ARHGAP42: variants seen among roughly 807,000 people sequenced by gnomAD.
ARHGAP42 encodes Rho GTPase activating protein 42, also known as rho GTPase-activating protein 42.
Under a neutral mutation model 125.0 loss-of-function variants are expected in ARHGAP42, and 63 were observed. The ratio of observed to expected loss-of-function variants is 0.50; its 90% CI spans 0.41 to 0.62. The LOEUF is 0.62. Ranked by LOEUF, ARHGAP42 falls within the 20% of genes least tolerant of loss-of-function variation. The probability of loss-of-function intolerance (pLI) is 0.00; values close to 1 mark genes in which losing one functional copy is unlikely to be tolerated. For missense variants in ARHGAP42, 766 were observed against 1,024.2 expected (o/e 0.75, Z 3.44); for synonymous variants, 339 against 351.0 (o/e 0.97, Z 0.38).
intron 22 of ARHGAP42, among the ~76,000 whole-genome samples, chr11:100,984,153 C>T (rs1214860076): frequency 1.3e-5 from 2 of 151,492 alleles, no homozygotes; most frequent in African/African-American, 4.8e-5. Context: ...AAAAAATCTC[C>T]AATTAGTGCC....
At chr11:100,980,872 A>T (rs918056441) in intron 22 of ARHGAP42, among the ~76,000 whole-genome samples, 2 of 151,928 alleles carry the variant, frequency 1.3e-5, no homozygotes, top group African/African-American at 4.8e-5. Flanking sequence ...CACCCAGCCA[A>T]CTCATACTTC....
At chr11:100,736,683 C>T (rs1591138231) in intron 1 of ARHGAP42, among the ~76,000 whole-genome samples, 1 of 152,264 alleles carries the variant, frequency 6.6e-6, no homozygotes, top group East Asian at 1.9e-4. Context: ...AGGATTTAGA[C>T]CTGGAGGGTA....
At chr11:100,789,799 C>T (rs945943858) in intron 2 of ARHGAP42, among the ~76,000 whole-genome samples, 6 of 152,160 alleles carry the variant, frequency 3.9e-5, no homozygotes, top group South Asian at 2.1e-4. Flanking sequence ...ATATAGCATG[C>T]TGTTGACATT....
At chr11:100,961,654 A>C (rs1457582587) in intron 14 of ARHGAP42, 30 bp from the exon 15 acceptor site, 1 of 1,540,046 alleles carries the variant, frequency 6.5e-7, no homozygotes, top group Admixed American at 2.0e-5. Context: ...TGAACTGCAC[A>C]ATTTAAACAC....
intron 21 of ARHGAP42, among the ~76,000 whole-genome samples, chr11:100,978,701 G>C (rs568876200): frequency 6.6e-6 from 1 of 152,164 alleles, no homozygotes; most frequent in Non-Finnish European, 1.5e-5. Context: ...GAGAGAAAAT[G>C]TTCCTTTTAC....
At chr11:100,720,707 T>C (rs1398204560) in intron 1 of ARHGAP42, among the ~76,000 whole-genome samples, 2 of 152,102 alleles carry the variant, frequency 1.3e-5, no homozygotes, top group Non-Finnish European at 2.9e-5. Context: ...AGCCTAACAT[T>C]GACATGTAAT....
At chr11:100,814,454 G>A (rs1037814961) in intron 3 of ARHGAP42, among the ~76,000 whole-genome samples, 2 of 151,918 alleles carry the variant, frequency 1.3e-5, no homozygotes, top group African/African-American at 2.4e-5. Context: ...GCATAATAAT[G>A]ATTATATCCA....
At chr11:100,880,383 T>C (rs752951517) in intron 4 of ARHGAP42, among the ~76,000 whole-genome samples, 4 of 152,224 alleles carry the variant, frequency 2.6e-5, no homozygotes, top group Non-Finnish European at 4.4e-5. Flanking sequence ...GTTACTTCAC[T>C]TAGAATAATA....
chr11:100,691,690 T>C (rs1861194312), intron 1 of ARHGAP42, among the ~76,000 whole-genome samples: 1 of 152,070 alleles, frequency 6.6e-6, no homozygotes, highest in Admixed American at 6.6e-5. Flanking sequence ...TAATTTTTGA[T>C]ATTTTTTGTA....
intron 2 of ARHGAP42, among the ~76,000 whole-genome samples, chr11:100,772,726 G>T (rs1188037509): frequency 2.6e-5 from 4 of 152,108 alleles, no homozygotes; most frequent in African/African-American, 9.7e-5. Context: ...AGGCTTTGTA[G>T]TATACACTTA....
At chr11:100,894,819 G>C (rs1280950814) in intron 4 of ARHGAP42, among the ~76,000 whole-genome samples, 2 of 152,106 alleles carry the variant, frequency 1.3e-5, no homozygotes, top group Non-Finnish European at 2.9e-5. Flanking sequence ...GATAGCTGTT[G>C]AAAGGGCAGT....
At chr11:100,882,585 G>A (rs1383471212) in intron 4 of ARHGAP42, among the ~76,000 whole-genome samples, 1 of 151,312 alleles carries the variant, frequency 6.6e-6, no homozygotes, top group Non-Finnish European at 1.5e-5. Flanking sequence ...TCCTTTCCTG[G>A]TTTTGGTATT....
chr11:100,696,717 G>C (rs911519012), intron 1 of ARHGAP42, among the ~76,000 whole-genome samples: 1 of 152,060 alleles, frequency 6.6e-6, no homozygotes, highest in African/African-American at 2.4e-5. Context: ...CCAGGCTGGA[G>C]TGCAGTGGCT....
chr11:100,774,375 C>A (rs1863059328), intron 2 of ARHGAP42, among the ~76,000 whole-genome samples: 1 of 152,182 alleles, frequency 6.6e-6, no homozygotes, highest in South Asian at 2.1e-4. Context: ...GCCTGAGTTC[C>A]AACGACTTCT....
intron 1 of ARHGAP42, among the ~76,000 whole-genome samples, chr11:100,740,451 C>A (rs1327945450): frequency 2.0e-5 from 3 of 152,152 alleles, no homozygotes; most frequent in African/African-American, 7.2e-5. Flanking sequence ...TAATTTGCTC[C>A]AGGAACAAAA....
At chr11:100,787,407 G>A (rs1228459505) in intron 2 of ARHGAP42, among the ~76,000 whole-genome samples, 1 of 152,208 alleles carries the variant, frequency 6.6e-6, no homozygotes, top group Non-Finnish European at 1.5e-5. Context: ...CCATGTAGGA[G>A]TGTGAATCAG....
intron 3 of ARHGAP42, among the ~76,000 whole-genome samples, chr11:100,805,331 C>G (rs570910931): frequency 6.6e-6 from 1 of 152,264 alleles, no homozygotes; most frequent in South Asian, 2.1e-4. Flanking sequence ...TTGTTGATAT[C>G]ATATGTAAGA....
intron 4 of ARHGAP42, among the ~76,000 whole-genome samples, chr11:100,863,873 A>G (rs769180741): frequency 7.9e-5 from 12 of 152,212 alleles, no homozygotes; most frequent in Non-Finnish European, 1.2e-4. Flanking sequence ...AGGTATTCAG[A>G]ACACTTGATG....
chr11:100,959,821 C>T lies in ARHGAP42; in HGVS notation c.1163-62C>T, dbSNP rs776524137. The T allele has an allele frequency of 2.7e-6, 4 of 1,461,800 alleles. No individual in the cohort carries two copies. In the South Asian group the frequency reaches 4.9e-5, roughly 18 times the overall value. 90.6% of individuals were successfully genotyped at this position (1,461,800 alleles called of 1,614,324 possible). A position where few individuals can be genotyped will look rare whatever the true frequency, so the allele number is the denominator to read the frequency against. On this transcript the variant is annotated intron_variant, in intron 12 of 23. Transcript: ENST00000298815. Reference sequence around the variant, plus strand: ...GTCATAAAGGCCCAGTGAACAGAGCCAACTGAAGGGGGAATGTGAGTTCAG... The same window carrying T: ...GTCATAAAGGCCCAGTGAACAGAGCTAACTGAAGGGGGAATGTGAGTTCAG...
Sources: allele counts gnomAD v4.1 joint callset (sites outside exome capture counted in the v4.1 genomes callset), GRCh38; gene constraint gnomAD v4.1.1; transcripts MANE v1.5; gene names NCBI Gene and HGNC (gene_info 2026-07-23, HGNC 2026-07-21).